KLHL1: variants seen among roughly 807,000 people sequenced by gnomAD.
The protein encoded by KLHL1 is kelch-like protein 1.
Under a neutral mutation model 77.7 loss-of-function variants are expected in KLHL1, and 47 were observed. The observed-to-expected ratio is 0.60, with a 90% CI of 0.48 to 0.77. The LOEUF is 0.77. Among genes scored for constraint, KLHL1 ranks in the 30% least tolerant of loss-of-function variants. The pLI is 0.00. For synonymous variants in KLHL1, 360 were observed against 325.2 expected (o/e 1.11, Z -1.15); for missense variants, 925 against 910.8 (o/e 1.02, Z -0.20).
intron 1 of KLHL1, among the ~76,000 whole-genome samples, chr13:69,978,405 T>C (rs1212972478): frequency 1.3e-5 from 2 of 151,714 alleles, no homozygotes; most frequent in Non-Finnish European, 2.9e-5. Flanking sequence ...TACAGATTAA[T>C]TTAAATAGGG....
At chr13:69,816,324 A>G (rs1172796565) in intron 6 of KLHL1, among the ~76,000 whole-genome samples, 1 of 150,874 alleles carries the variant, frequency 6.6e-6, no homozygotes. Flanking sequence ...GCAGTAGCAC[A>G]ATCTCGGCTC....
intron 1 of KLHL1, among the ~76,000 whole-genome samples, chr13:70,044,381 C>A (rs1371143260): frequency 6.6e-6 from 1 of 152,072 alleles, no homozygotes; most frequent in Non-Finnish European, 1.5e-5. Flanking sequence ...TACTATTTAG[C>A]CATTTCTTAT....
intron 7 of KLHL1, among the ~76,000 whole-genome samples, chr13:69,787,257 C>T (rs979078680): frequency 6.6e-6 from 1 of 152,150 alleles, no homozygotes; most frequent in Non-Finnish European, 1.5e-5. Flanking sequence ...TGACTTCAAA[C>T]TATACTACAA....
chr13:69,739,402 A>T (rs116259772), intron 8 of KLHL1, among the ~76,000 whole-genome samples: 3,343 of 152,290 alleles, frequency 0.022, 123 homozygotes, highest in African/African-American at 0.076. Context: ...ACACATAACC[A>T]TATTAACCTT....
chr13:69,898,037 C>T (rs1881711358), intron 4 of KLHL1, among the ~76,000 whole-genome samples: 1 of 152,208 alleles, frequency 6.6e-6, no homozygotes, highest in African/African-American at 2.4e-5. Flanking sequence ...GAAAGTGCAG[C>T]AAAGAAGTGG....
intron 5 of KLHL1, among the ~76,000 whole-genome samples, chr13:69,855,895 T>C (rs1879896909): frequency 7.0e-6 from 1 of 143,018 alleles, no homozygotes; most frequent in African/African-American, 2.6e-5. Context: ...ATAATATACA[T>C]GTTTTATATA....
At chr13:69,826,649 G>A (rs1878560371) in intron 6 of KLHL1, among the ~76,000 whole-genome samples, 1 of 151,872 alleles carries the variant, frequency 6.6e-6, no homozygotes, top group African/African-American at 2.4e-5. Context: ...AATATTTGAG[G>A]CAATTTATAT....
intron 7 of KLHL1, among the ~76,000 whole-genome samples, chr13:69,779,328 TCTTCCTTC>T (rs111574350): frequency 2.7e-5 from 4 of 148,956 alleles, no homozygotes; most frequent in South Asian, 2.1e-4. Context: ...TTAAAAAAGG[TCTTCCTTC>T]CTTCCTTCCC....
intron 1 of KLHL1, among the ~76,000 whole-genome samples, chr13:70,050,575 C>T (rs1225617443): frequency 1.3e-5 from 2 of 151,822 alleles, no homozygotes; most frequent in African/African-American, 4.8e-5. Context: ...AATTTGTATT[C>T]ATTCTAAAAA....
chr13:69,881,197 A>G lies in KLHL1; in HGVS notation c.1227+1086T>C, dbSNP rs1300581631. ...GTACTAATCTCAGCAGCCAAAGGAT[A>G]TATAATTATCACTTATTTATAAAGC... On this transcript the variant is annotated intron_variant, in intron 5 of 10. Coordinates refer to ENST00000377844, the MANE Select transcript of KLHL1 (RefSeq NM_020866.3). Among the ~76,000 whole-genome samples the G allele has an allele frequency of 3.3e-5, 5 of 152,258 alleles. No homozygotes were observed. The East Asian group carries it at 7.7e-4, about 24-fold the overall frequency.
rs1285211849 is a variant in KLHL1 at position 69,740,537 on chromosome 13, G to C, written c.1659C>G (p.Gly553=). ...RHGLGVTVLE[G]PIYAVGGHDG... is the part of the protein sequence containing the mutation. ...CATGGCCTCCCACAGCATAAATAGG[G>C]CCTTCAAGTACTGTTACACCTAAAA... is the stretch of plus-strand genomic sequence containing the variant. The change falls in exon 8 of 11, where the codon GGC becomes GGG. Residue 553 remains glycine (G), a synonymous_variant. Transcript: ENST00000377844. 2.5e-6 allele frequency: 4 copies of C among 1,610,656 alleles called. No individual in the cohort carries two copies. The Admixed American group carries it at 6.7e-5, about 27-fold the overall frequency.
intron 7 of KLHL1, among the ~76,000 whole-genome samples, chr13:69,793,368 T>C (rs1876955693): frequency 6.6e-6 from 1 of 152,084 alleles, no homozygotes; most frequent in Admixed American, 6.6e-5. Context: ...TCACAGAATT[T>C]AAATGAATAT....
chr13:69,847,936 T>C lies in KLHL1; in HGVS notation c.1228-8774A>G, dbSNP rs372247453. 2.6e-5 allele frequency among the ~76,000 whole-genome samples: 4 copies of C among 151,686 alleles called. No homozygotes were observed. The East Asian group carries it at 5.8e-4, about 22-fold the overall frequency. ...TTCAATGTCTTATAAATATATCTAA[T>C]ACAAATAAAATAATTTCAGGTATTT... On this transcript the variant is annotated intron_variant, in intron 5 of 10. Transcript: ENST00000377844.
chr13:70,105,028 A>T (rs970661529), intron 1 of KLHL1, among the ~76,000 whole-genome samples: 4 of 151,996 alleles, frequency 2.6e-5, no homozygotes, highest in Non-Finnish European at 5.9e-5. Flanking sequence ...AGAACATATA[A>T]ATCCATCAAA....
intron 4 of KLHL1, among the ~76,000 whole-genome samples, chr13:69,928,607 T>C (rs554761218): frequency 6.6e-4 from 101 of 152,296 alleles, no homozygotes; most frequent in African/African-American, 2.3e-3. Flanking sequence ...ATAAATAAAT[T>C]ACTGATACAT....
Position 69,983,515 on chromosome 13 carries a change from A to T in KLHL1, c.498-7713T>A, listed in dbSNP as rs532827974. Among the ~76,000 whole-genome samples, 12 of 150,702 alleles carry T rather than the reference A, an allele frequency of 8.0e-5. No homozygotes were observed. The East Asian group carries it at 2.2e-3, about 27-fold the overall frequency. ...TACCACTTTGGGAGGTCAAAGCAGG[A>T]AGATTTCTTGAAGCCATGAGTTTGA... On this transcript the variant is annotated intron_variant, in intron 1 of 10. Transcript: ENST00000377844.
intron 4 of KLHL1, among the ~76,000 whole-genome samples, chr13:69,934,210 T>C (rs1309814126): frequency 6.6e-6 from 1 of 152,152 alleles, no homozygotes; most frequent in East Asian, 1.9e-4. Flanking sequence ...ACCAGCATCA[T>C]TGGTGGTAAG....
At chr13:69,923,832 A>G (rs905731002) in intron 4 of KLHL1, among the ~76,000 whole-genome samples, 1 of 152,134 alleles carries the variant, frequency 6.6e-6, no homozygotes, top group Non-Finnish European at 1.5e-5. Context: ...AGGAGTTTGC[A>G]CTTCCCAGGC....
intron 5 of KLHL1, among the ~76,000 whole-genome samples, chr13:69,845,605 T>C (rs981780911): frequency 6.6e-6 from 1 of 151,658 alleles, no homozygotes; most frequent in African/African-American, 2.4e-5. Context: ...GTATTGTTTC[T>C]ATATACCTGA....
Sources: allele counts gnomAD v4.1 joint callset (sites outside exome capture counted in the v4.1 genomes callset), GRCh38; gene constraint gnomAD v4.1.1; transcripts MANE v1.5; gene names NCBI Gene and HGNC (gene_info 2026-07-23, HGNC 2026-07-21).